The following MGST3 variants were observed in gnomAD, a reference collection of about 807,000 sequenced individuals.
The protein encoded by MGST3 is glutathione S-transferase 3, mitochondrial.
MGST3 carries 13 observed loss-of-function variants against 15.8 expected under a neutral mutation model. That is an observed-to-expected ratio of 0.82 (90% CI 0.54 to 1.31). MGST3 has a LOEUF of 1.31. Ranked by LOEUF, MGST3 falls within the 50% of genes most tolerant of loss-of-function variation. The pLI is 0.00. For missense variants in MGST3, 155 were observed against 192.4 expected (o/e 0.81, Z 1.15); for synonymous variants, 49 against 68.1 (o/e 0.72, Z 1.38).
chr1:165,632,253 G>A, intron 1 of MGST3: 1 of 1,612,722 alleles, frequency 6.2e-7, no homozygotes, highest in East Asian at 2.2e-5. Context: ...CCCTGGAGGG[G>A]AAGGCGCTTC....
intron 1 of MGST3, among the ~76,000 whole-genome samples, chr1:165,634,732 A>G (rs9333391): frequency 0.014 from 1,280 of 89,826 alleles, 49 homozygotes; most frequent in Admixed American, 0.087. Context: ...GCTCTCTCTC[A>G]ATCATGCGCT....
chr1:165,655,270 G>A (rs1331219939), intron 5 of MGST3, 98 bp from the exon 6 acceptor site: 2 of 1,508,422 alleles, frequency 1.3e-6, no homozygotes, highest in Non-Finnish European at 1.8e-6. Context: ...TTTGTCTAAT[G>A]TACAACCTCA....
chr1:165,653,320 A>T (rs553288301), intron 4 of MGST3, among the ~76,000 whole-genome samples: 1 of 152,302 alleles, frequency 6.6e-6, no homozygotes, highest in South Asian at 2.1e-4. Context: ...TCTGAAAAAT[A>T]AGAGCTAGTT....
intron 1 of MGST3, chr1:165,649,589 C>G (rs925282680): frequency 4.4e-6 from 2 of 457,934 alleles, no homozygotes; most frequent in African/African-American, 3.9e-5. Flanking sequence ...CAGAATCTCC[C>G]AGGCACAAAA....
chr1:165,638,869 C>G (rs1444257719), intron 1 of MGST3, among the ~76,000 whole-genome samples: 2 of 151,572 alleles, frequency 1.3e-5, no homozygotes, highest in Admixed American at 1.3e-4. Flanking sequence ...TCTGTGGAAA[C>G]CAGCCACTAA....
intron 1 of MGST3, among the ~76,000 whole-genome samples, chr1:165,636,053 G>T (rs533174030): frequency 6.6e-6 from 1 of 152,140 alleles, no homozygotes. Flanking sequence ...TGAAGGTTTG[G>T]CGCTCAAACA....
chr1:165,633,179 G>T (rs1424615433), intron 1 of MGST3, among the ~76,000 whole-genome samples: 1 of 152,212 alleles, frequency 6.6e-6, no homozygotes, highest in Non-Finnish European at 1.5e-5. Context: ...GCAGCAAGTA[G>T]ATTATCGCTA....
intron 1 of MGST3, among the ~76,000 whole-genome samples, chr1:165,638,023 G>A (rs372194140): frequency 3.9e-5 from 6 of 152,124 alleles, no homozygotes; most frequent in African/African-American, 7.2e-5. Flanking sequence ...ACCATGGCCC[G>A]GGGCTTTTCT....
At chr1:165,634,708 G>T (rs1478199941) in intron 1 of MGST3, among the ~76,000 whole-genome samples, 1 of 143,910 alleles carries the variant, frequency 6.9e-6, no homozygotes, top group East Asian at 2.0e-4. Flanking sequence ...TTCCCTGACT[G>T]CATGCTCACT....
chr1:165,652,068 A>G, intron 4 of MGST3, 33 bp downstream of exon 4: 1 of 1,476,770 alleles, frequency 6.8e-7, no homozygotes, highest in Non-Finnish European at 9.5e-7. Context: ...ATCTATTTGG[A>G]TAGTAGTTCA....
chr1:165,639,311 A>C (rs1240541410), intron 1 of MGST3, among the ~76,000 whole-genome samples: 2 of 152,188 alleles, frequency 1.3e-5, no homozygotes, highest in Non-Finnish European at 2.9e-5. Flanking sequence ...AAGCATGGAC[A>C]CTGGCATCAG....
At chr1:165,648,103 C>G (rs983132011) in intron 1 of MGST3, among the ~76,000 whole-genome samples, 6 of 152,240 alleles carry the variant, frequency 3.9e-5, no homozygotes, top group Admixed American at 3.9e-4. Context: ...GTGGCTTCCT[C>G]CTCATGCTGA....
At chr1:165,649,017 G>C (rs1648482646) in intron 1 of MGST3, 1 of 152,316 alleles carries the variant, frequency 6.6e-6, no homozygotes, top group Admixed American at 6.5e-5. Context: ...ACCAGGGATG[G>C]AAATTTTAAA....
At chr1:165,649,539 C>A in intron 1 of MGST3, 1 of 316,506 alleles carries the variant, frequency 3.2e-6, no homozygotes, top group Non-Finnish European at 6.0e-6. Flanking sequence ...TCTACAGCAA[C>A]GACTACTGCA....
At chr1:165,632,406 C>G in intron 1 of MGST3, 2 of 834,940 alleles carry the variant, frequency 2.4e-6, no homozygotes, top group Non-Finnish European at 3.9e-6. Flanking sequence ...GGGAGGCACC[C>G]CAGGTTATTG....
At position 165,655,525 on chromosome 1, in the gene MGST3, ACT is replaced by A. The variant is rs1648684965; in HGVS notation, c.*25_*26del. The A allele has an allele frequency of 6.2e-7, 1 of 1,612,998 alleles. No homozygotes were observed. The highest frequency in any genetic ancestry group is 2.2e-5 in the East Asian group (1 of 44,856). On this transcript the variant is annotated 3_prime_UTR_variant, in exon 6 of 6. Coordinates refer to ENST00000367889, the MANE Select transcript of MGST3 (RefSeq NM_004528.4). Reference sequence around the variant, plus strand: ...ATTAAAGAATTATAGGGGTTTAAAAACTCTCATTCATTTTAAATGACTTACCT... The same window carrying A: ...ATTAAAGAATTATAGGGGTTTAAAAACTCATTCATTTTAAATGACTTACCT...
chr1:165,631,625 G>A (rs1165819690), intron 1 of MGST3, among the ~76,000 whole-genome samples: 3 of 152,204 alleles, frequency 2.0e-5, no homozygotes, highest in East Asian at 1.9e-4. Flanking sequence ...CAGTCTGGGG[G>A]CACCTTTCTG....
intron 1 of MGST3, chr1:165,645,925 C>T (rs1299647832): frequency 6.6e-6 from 1 of 152,150 alleles, no homozygotes; most frequent in Non-Finnish European, 1.5e-5. Flanking sequence ...GTCATCTACA[C>T]CTGTATTAAA....
chr1:165,652,955 G>C (rs1309020802), intron 4 of MGST3, among the ~76,000 whole-genome samples: 1 of 152,220 alleles, frequency 6.6e-6, no homozygotes, highest in Admixed American at 6.5e-5. Context: ...TCTGAGGACA[G>C]ATTATCTCCT....
Sources: allele counts gnomAD v4.1 joint callset (sites outside exome capture counted in the v4.1 genomes callset), GRCh38; gene constraint gnomAD v4.1.1; transcripts MANE v1.5; gene names NCBI Gene and HGNC (gene_info 2026-07-23, HGNC 2026-07-21).